The following CAMK1D variants were observed in gnomAD, a reference collection of about 807,000 sequenced individuals.
CAMK1D encodes calcium/calmodulin-dependent protein kinase type 1D.
A neutral mutation model predicts 47.7 loss-of-function variants in CAMK1D; 9 were observed. The ratio of observed to expected loss-of-function variants is 0.19; its 90% confidence interval spans 0.11 to 0.33. CAMK1D has a LOEUF of 0.33. CAMK1D is among the 10% of genes least tolerant of loss of function. The pLI is 1.00. For missense variants in CAMK1D, 291 were observed against 488.7 expected, an observed-to-expected ratio of 0.60 and a Z score of 3.81; for synonymous variants, 184 against 184.9, an observed-to-expected ratio of 0.99 and a Z score of 0.04.
intron 2 of CAMK1D, among the ~76,000 whole-genome samples, chr10:12,622,007 T>C (rs2132440922): frequency 6.6e-6 from 1 of 152,330 alleles, no homozygotes; most frequent in African/African-American, 2.4e-5. Flanking sequence ...CTTCCCACTG[T>C]GCAGTGGGAG....
At chr10:12,421,195 A>G (rs1302339236) in intron 1 of CAMK1D, among the ~76,000 whole-genome samples, 4 of 152,154 alleles carry the variant, frequency 2.6e-5, no homozygotes, top group Admixed American at 1.3e-4. Flanking sequence ...CCATGTTCAC[A>G]TCCTAGGATA....
chr10:12,742,056 A>G (rs979055309), intron 3 of CAMK1D, among the ~76,000 whole-genome samples: 1 of 152,192 alleles, frequency 6.6e-6, no homozygotes, highest in Non-Finnish European at 1.5e-5. Flanking sequence ...TGAAGGGACA[A>G]TGTCCACATA....
At chr10:12,656,852 A>AT (rs760499550) in intron 2 of CAMK1D, among the ~76,000 whole-genome samples, 100 of 151,778 alleles carry the variant, frequency 6.6e-4, no homozygotes, top group South Asian at 4.0e-3. Flanking sequence ...GTGTATATAC[A>AT]TTTTTTTTAC....
intron 3 of CAMK1D, among the ~76,000 whole-genome samples, chr10:12,756,743 G>A (rs1438261715): frequency 1.3e-5 from 2 of 152,100 alleles, no homozygotes; most frequent in South Asian, 2.1e-4. Flanking sequence ...TGGCTAACAC[G>A]GTGAAACCCC....
intron 1 of CAMK1D, among the ~76,000 whole-genome samples, chr10:12,465,421 C>T (rs1833561388): frequency 6.6e-6 from 1 of 151,706 alleles, no homozygotes; most frequent in Non-Finnish European, 1.5e-5. Context: ...GTGGTGTGAT[C>T]TCGGCTCACT....
At chr10:12,700,254 C>T (rs1246120084) in intron 3 of CAMK1D, among the ~76,000 whole-genome samples, 1 of 152,178 alleles carries the variant, frequency 6.6e-6, no homozygotes, top group Non-Finnish European at 1.5e-5. Flanking sequence ...GTTTAGTTGA[C>T]TCCCAGTTGC....
intron 1 of CAMK1D, among the ~76,000 whole-genome samples, chr10:12,379,892 A>G (rs960412262): frequency 3.3e-5 from 5 of 152,068 alleles, no homozygotes; most frequent in Non-Finnish European, 7.4e-5. Flanking sequence ...ATGGATCAGT[A>G]TAAATCTTTT....
chr10:12,732,101 T>C (rs1422626191), intron 3 of CAMK1D, among the ~76,000 whole-genome samples: 2 of 151,892 alleles, frequency 1.3e-5, no homozygotes, highest in African/African-American at 2.4e-5. Context: ...AGTAACTGGG[T>C]GTGGTGGCGC....
intron 1 of CAMK1D, among the ~76,000 whole-genome samples, chr10:12,509,210 T>C (rs1182187410): frequency 6.6e-6 from 1 of 152,210 alleles, no homozygotes. Flanking sequence ...GGCTGTCACC[T>C]GGCTTTGCTG....
intron 1 of CAMK1D, among the ~76,000 whole-genome samples, chr10:12,503,925 T>C (rs76010934): frequency 0.025 from 3,824 of 152,128 alleles, 129 homozygotes; most frequent in African/African-American, 0.079. Flanking sequence ...TTAAGGAGAC[T>C]TATTTCCTCT....
chr10:12,829,236 C>CAA lies in CAMK1D; in HGVS notation c.*359_*360dup, dbSNP rs199693914. 2.6e-5 allele frequency: 4 copies of CAA among 152,070 alleles called. No homozygotes were observed. The highest frequency in any genetic ancestry group is 2.7e-5 in the Non-Finnish European group (2 of 72,760). The allele number at this position is 152,070 out of a possible 1,614,324, so 9.4% of individuals were successfully genotyped here. On this transcript the variant is annotated 3_prime_UTR_variant, in exon 11 of 11. Coordinates refer to ENST00000619168, the MANE Select transcript of CAMK1D (RefSeq NM_153498.4). Reference sequence around the variant, plus strand: ...CTATGGTGTGTTTTTTCATTAATGACAAAAAAAAAAAGGTTTCAACTGGAT... The same window carrying CAA: ...CTATGGTGTGTTTTTTCATTAATGACAAAAAAAAAAAAAGGTTTCAACTGGAT...
intron 1 of CAMK1D, among the ~76,000 whole-genome samples, chr10:12,421,803 TG>T (rs1398068793): frequency 6.6e-6 from 1 of 151,520 alleles, no homozygotes; most frequent in Non-Finnish European, 1.5e-5. Flanking sequence ...TCTATTCGCT[TG>T]GGGGCAGGTA....
At chr10:12,569,622 G>A (rs967681601) in intron 2 of CAMK1D, among the ~76,000 whole-genome samples, 3 of 150,644 alleles carry the variant, frequency 2.0e-5, no homozygotes, top group Admixed American at 6.6e-5. Context: ...GGGAAGCTGA[G>A]GCAGGAGAAT....
intron 2 of CAMK1D, among the ~76,000 whole-genome samples, chr10:12,618,891 T>G (rs1463881663): frequency 6.6e-6 from 1 of 152,236 alleles, no homozygotes; most frequent in Non-Finnish European, 1.5e-5. Flanking sequence ...TAATTCTGTT[T>G]TACTGTTAAA....
intron 2 of CAMK1D, among the ~76,000 whole-genome samples, chr10:12,557,009 C>G (rs183147889): frequency 6.6e-6 from 1 of 152,080 alleles, no homozygotes. Context: ...ATGGGGAGAG[C>G]AGGGAGGGAG....
At chr10:12,825,935 T>C (rs1833192600) in intron 10 of CAMK1D, 3 of 549,392 alleles carry the variant, frequency 5.5e-6, no homozygotes, top group Admixed American at 7.2e-5. Flanking sequence ...TCAGGAGTTT[T>C]AAGACCAGCC....
intron 1 of CAMK1D, among the ~76,000 whole-genome samples, chr10:12,532,754 T>C (rs916689062): frequency 6.6e-6 from 1 of 152,114 alleles, no homozygotes; most frequent in African/African-American, 2.4e-5. Context: ...TGGAGTACTA[T>C]TCAGCCATAA....
intron 3 of CAMK1D, among the ~76,000 whole-genome samples, chr10:12,742,828 A>G (rs1162998233): frequency 1.4e-5 from 2 of 148,032 alleles, no homozygotes; most frequent in African/African-American, 5.3e-5. Context: ...AGAATACCAC[A>G]TCTGACAAAG....
At chr10:12,374,799 C>T (rs891877118) in intron 1 of CAMK1D, among the ~76,000 whole-genome samples, 3 of 152,026 alleles carry the variant, frequency 2.0e-5, no homozygotes, top group Admixed American at 6.6e-5. Flanking sequence ...AAAAATTAGC[C>T]GGGTGTGGTG....
Sources: allele counts gnomAD v4.1 joint callset (sites outside exome capture counted in the v4.1 genomes callset), GRCh38; gene constraint gnomAD v4.1.1; transcripts MANE v1.5; gene names NCBI Gene and HGNC (gene_info 2026-07-23, HGNC 2026-07-21).